Variants in ANK3 observed in about 807,000 individuals in gnomAD.
The protein encoded by ANK3 is ankyrin-3.
In ANK3, 57 loss-of-function variants were observed where a neutral mutation model predicts 370.9. The observed-to-expected ratio is 0.15, with a 90% confidence interval of 0.12 to 0.19. The LOEUF (loss-of-function observed/expected upper bound fraction) is 0.19. ANK3 is among the 10% of genes least tolerant of loss of function. The pLI is 1.00. For missense variants in ANK3, 4,439 were observed against 5,302.1 expected (o/e 0.84, Z 5.06); for synonymous variants, 1,929 against 1,946.3 (o/e 0.99, Z 0.23).
chr10:60,404,810 A>C (rs1304851824), intron 2 of ANK3, among the ~76,000 whole-genome samples: 1 of 152,174 alleles, frequency 6.6e-6, no homozygotes, highest in Non-Finnish European at 1.5e-5. Flanking sequence ...ATTTTCAAGA[A>C]TATATCCGTC....
intron 2 of ANK3, among the ~76,000 whole-genome samples, chr10:60,444,373 A>G (rs142806470): frequency 2.0e-5 from 3 of 151,190 alleles, no homozygotes; most frequent in African/African-American, 4.8e-5. Flanking sequence ...TATATAACAT[A>G]TAAGTGTATA....
At chr10:60,687,766 T>C (rs2079290126) in intron 1 of ANK3, among the ~76,000 whole-genome samples, 1 of 152,236 alleles carries the variant, frequency 6.6e-6, no homozygotes, top group African/African-American at 2.4e-5. Context: ...ATCAGTTCTA[T>C]GTTCACTGCA....
chr10:60,650,927 T>G (rs1485116457), intron 1 of ANK3, among the ~76,000 whole-genome samples: 1 of 84,466 alleles, frequency 1.2e-5, no homozygotes, highest in African/African-American at 3.9e-5. Context: ...CCTACAAAAT[T>G]TTAACAACAA....
chr10:60,070,518 C>T lies in ANK3; in HGVS notation c.10363G>A (p.Ala3455Thr), dbSNP rs749165324. The T allele has an allele frequency of 6.2e-7, 1 of 1,614,176 alleles. No homozygotes were observed. The highest frequency in any genetic ancestry group is 8.5e-7 in the Non-Finnish European group (1 of 1,180,024). The change falls in exon 37 of 44, where the codon GCT becomes ACT. Residue 3455 changes from alanine to threonine, a missense_variant. Ala to Thr is a moderately conservative substitution (Grantham distance 58). Around this residue, in one of 13 missense-constraint regions of ANK3, gnomAD observed 1,601 missense variants for 1,731.7 expected, o/e 0.92. Coordinates refer to ENST00000280772, the MANE Select transcript of ANK3 (RefSeq NM_020987.5). This position sits in a 1 kb window ranked among gnomAD's most constrained non-coding sequence, Gnocchi z 5.7. Reference protein sequence around the residue: ...IWNTEGILKPADRSFSQSKLE... With the variant: ...IWNTEGILKPTDRSFSQSKLE... ...TTACTTTGGCTAAAAGAGCGGTCAG[C>T]TGGCTTCAGAATGCCCTCTGTGTTC...
At chr10:60,128,693 T>C (rs976044288) in intron 25 of ANK3, among the ~76,000 whole-genome samples, 1 of 152,200 alleles carries the variant, frequency 6.6e-6, no homozygotes, top group Admixed American at 6.5e-5. Context: ...TTCATCTTTT[T>C]AATGGGGTTA....
chr10:60,140,310 A>G (rs752022990), intron 23 of ANK3: 4 of 1,606,508 alleles, frequency 2.5e-6, no homozygotes, highest in Non-Finnish European at 2.6e-6. Flanking sequence ...ACTGCATCTC[A>G]AACAAAAACA....
At chr10:60,432,947 C>T (rs1398804972) in intron 2 of ANK3, among the ~76,000 whole-genome samples, 2 of 152,148 alleles carry the variant, frequency 1.3e-5, no homozygotes, top group Non-Finnish European at 2.9e-5. Flanking sequence ...CATCAAGAGT[C>T]CCCTTCCTTT....
chr10:60,528,653 A>G (rs906113982), intron 2 of ANK3, among the ~76,000 whole-genome samples: 2 of 152,048 alleles, frequency 1.3e-5, no homozygotes, highest in African/African-American at 4.8e-5. Context: ...CATTATTGAC[A>G]TTTTAGGCTA....
At chr10:60,643,514 A>G (rs1475819816) in intron 1 of ANK3, among the ~76,000 whole-genome samples, 1 of 145,772 alleles carries the variant, frequency 6.9e-6, no homozygotes, top group African/African-American at 2.8e-5. Flanking sequence ...CTATCTATCT[A>G]TCTATCTATC....
Position 60,448,831 on chromosome 10 carries a change from C to A in ANK3, c.96+166355G>T, listed in dbSNP as rs139056000. Reference sequence around the variant, plus strand: ...TGGCTCCTCTCCAACTGAGCAAACACAAGAGTTATTGTAACCGATATTCAC... The same window carrying A: ...TGGCTCCTCTCCAACTGAGCAAACAAAAGAGTTATTGTAACCGATATTCAC... On this transcript the variant is annotated intron_variant, in intron 2 of 43. Transcript: ENST00000373827. 8.7e-4 allele frequency among the ~76,000 whole-genome samples: 132 copies of A among 152,324 alleles called. 2 individuals carry two copies. The East Asian group carries it at 0.023, about 27-fold the overall frequency.
At chr10:60,668,908 G>A (rs1160853421) in intron 1 of ANK3, among the ~76,000 whole-genome samples, 2 of 152,046 alleles carry the variant, frequency 1.3e-5, no homozygotes, top group African/African-American at 4.8e-5. Context: ...CAGGAGAATC[G>A]CTGGAACCCA....
chr10:60,053,397 G>C (rs10994169), intron 42 of ANK3, among the ~76,000 whole-genome samples: 6,294 of 152,248 alleles, frequency 0.041, 321 homozygotes, highest in East Asian at 0.14. Flanking sequence ...AACAAACCTA[G>C]AGGTGATTAT....
At chr10:60,724,875 C>T (rs970206630) in intron 1 of ANK3, among the ~76,000 whole-genome samples, 14 of 152,176 alleles carry the variant, frequency 9.2e-5, no homozygotes, top group African/African-American at 3.4e-4. Flanking sequence ...GGAACTCAAA[C>T]AGTATCAAAT....
chr10:60,302,108 T>C (rs1160282923), intron 1 of ANK3, among the ~76,000 whole-genome samples: 1 of 152,168 alleles, frequency 6.6e-6, no homozygotes, highest in Non-Finnish European at 1.5e-5. Flanking sequence ...ATCCCTATTT[T>C]TTATGAAACT....
chr10:60,219,919 T>C (rs1393693676), intron 8 of ANK3, among the ~76,000 whole-genome samples: 2 of 152,204 alleles, frequency 1.3e-5, no homozygotes, highest in Admixed American at 1.3e-4. Context: ...AAATAGTACA[T>C]GGCCTAATTT....
At chr10:60,147,998 G>A (rs942079076) in intron 23 of ANK3, among the ~76,000 whole-genome samples, 1 of 152,182 alleles carries the variant, frequency 6.6e-6, no homozygotes, top group Non-Finnish European at 1.5e-5. Context: ...GGTAAACTAG[G>A]TAAATTAAGA....
chr10:60,588,841 T>C (rs1228784260), intron 2 of ANK3, among the ~76,000 whole-genome samples: 3 of 152,146 alleles, frequency 2.0e-5, no homozygotes, highest in Admixed American at 2.0e-4. Flanking sequence ...ACCCAGGATG[T>C]TGAGGCTGCA....
rs1390948510 is a variant in ANK3, at chr10:60,071,948, C to T, written c.8933G>A (p.Gly2978Asp). ...RRMLSSNIPDGFCEQSAFPKH... is the reference protein window; with the variant it reads ...RRMLSSNIPDDFCEQSAFPKH... The stretch of plus-strand genomic sequence containing the variant: ...TGGAAATGCCGACTGTTCACAAAAA[C>T]CATCGGGAATATTAGAAGACAGCAT... The change falls in exon 37 of 44, where the codon GGT (glycine) becomes GAT (aspartate). Residue 2978 changes from glycine to aspartate, a missense_variant. By Grantham distance (94) the Gly-to-Asp change is moderately conservative. This residue lies in a region of ANK3 where 1,601 missense variants were observed against 1,731.7 expected (regional missense o/e 0.92). Coordinates refer to ENST00000280772, the MANE Select transcript of ANK3 (RefSeq NM_020987.5). The T allele has an allele frequency of 2.5e-6, 4 of 1,613,944 alleles. No individual in the cohort carries two copies. Among genetic ancestry groups the T allele is most frequent in the Admixed American group, 3.3e-5 (2 of 59,974 alleles).
In ANK3 at chr10:60,174,925, G is replaced by T. The variant is rs553802401; in HGVS notation, c.2185-1739C>A. 2.0e-5 allele frequency among the ~76,000 whole-genome samples: 3 copies of T among 152,172 alleles called. No individual in the cohort carries two copies. The South Asian group carries it at 6.2e-4, about 32-fold the overall frequency. On this transcript the variant is annotated intron_variant, in intron 18 of 43. Coordinates refer to ENST00000280772, the MANE Select transcript of ANK3 (RefSeq NM_020987.5). ...TGTAGGGATGAGGTCTCACTATGTT[G>T]CCTAGGCTGGTCTCAAACTCCTGGG...
Sources: allele counts gnomAD v4.1 joint callset (sites outside exome capture counted in the v4.1 genomes callset), GRCh38; gene constraint gnomAD v4.1.1; regional missense constraint gnomAD v4.1.1; non-coding constraint Gnocchi (gnomAD v3.1); transcripts MANE v1.5; gene names NCBI Gene and HGNC (gene_info 2026-07-23, HGNC 2026-07-21).